Variants in PIBF1 observed in about 807,000 individuals in gnomAD.
PIBF1 encodes the protein progesterone-induced-blocking factor 1.
In PIBF1, 90 loss-of-function variants were observed where a neutral mutation model predicts 112.5. That is an observed-to-expected ratio of 0.80 (90% CI 0.67 to 0.95). The LOEUF (loss-of-function observed/expected upper bound fraction) is 0.95. PIBF1 is among the 40% of genes least tolerant of loss of function. PIBF1 has a pLI of 0.00. For missense variants in PIBF1, 915 were observed against 852.3 expected (o/e 1.07, Z -0.92); for synonymous variants, 301 against 288.6 (o/e 1.04, Z -0.44).
chr13:72,920,013 G>T (rs896352874), intron 13 of PIBF1, among the ~76,000 whole-genome samples: 24 of 152,238 alleles, frequency 1.6e-4, no homozygotes, highest in African/African-American at 5.5e-4. Flanking sequence ...TCTGCTGTTA[G>T]AACTTTGCTT....
intron 17 of PIBF1, among the ~76,000 whole-genome samples, chr13:73,008,561 C>G (rs1244489671): frequency 6.6e-6 from 1 of 152,074 alleles, no homozygotes; most frequent in African/African-American, 2.4e-5. Flanking sequence ...AAGTACTATT[C>G]CAAGCAGTAG....
intron 5 of PIBF1, among the ~76,000 whole-genome samples, chr13:72,803,924 A>G (rs1248659838): frequency 1.3e-5 from 2 of 152,160 alleles, no homozygotes; most frequent in Non-Finnish European, 2.9e-5. Flanking sequence ...GCTAAATGAA[A>G]TTGTCAGTTT....
chr13:72,790,979 G>A (rs1182381571), intron 2 of PIBF1, among the ~76,000 whole-genome samples: 2 of 152,166 alleles, frequency 1.3e-5, no homozygotes, highest in Non-Finnish European at 2.9e-5. Context: ...GGGACTTGAC[G>A]ATGCAAGAGG....
At chr13:72,868,199 G>T (rs1388423619) in intron 10 of PIBF1, among the ~76,000 whole-genome samples, 1 of 152,006 alleles carries the variant, frequency 6.6e-6, no homozygotes, top group African/African-American at 2.4e-5. Flanking sequence ...TCCTCAGGAG[G>T]CTGAGGTTGA....
intron 10 of PIBF1, among the ~76,000 whole-genome samples, chr13:72,882,944 T>C (rs550877671): frequency 2.4e-4 from 37 of 152,306 alleles, no homozygotes; most frequent in African/African-American, 8.4e-4. Context: ...GCTTGATCAA[T>C]GATTGCTGGA....
At chr13:72,927,494 C>T (rs2041525431) in intron 13 of PIBF1, among the ~76,000 whole-genome samples, 2 of 151,920 alleles carry the variant, frequency 1.3e-5, no homozygotes, top group Admixed American at 1.3e-4. Flanking sequence ...CAGAGCAAGA[C>T]TCCAACTCAA....
intron 5 of PIBF1, among the ~76,000 whole-genome samples, chr13:72,809,157 A>G (rs1220415945): frequency 1.4e-5 from 1 of 70,374 alleles, no homozygotes; most frequent in African/African-American, 5.4e-5. Context: ...TTTTTTTTTA[A>G]TTAAACCTGT....
intron 10 of PIBF1, among the ~76,000 whole-genome samples, chr13:72,869,333 G>A (rs2039057593): frequency 6.6e-6 from 1 of 151,896 alleles, no homozygotes; most frequent in Admixed American, 6.6e-5. Flanking sequence ...GGATGAAATT[G>A]GAAATCATCA....
At chr13:72,783,300 G>C (rs1296143547) in intron 1 of PIBF1, 123 bp from the exon 2 acceptor site, 4 of 538,314 alleles carry the variant, frequency 7.4e-6, no homozygotes, top group Non-Finnish European at 3.4e-6. Flanking sequence ...ATCTGTTCTA[G>C]ATTTGGGATG....
rs1219941700 is a variant in PIBF1, at chr13:72,987,854, ATTTATTTTT to A, written c.2050-10964_2050-10956del. 3.0e-3 allele frequency among the ~76,000 whole-genome samples: 175 copies of A among 58,630 alleles called. 2 individuals are homozygous for A. The highest frequency in any genetic ancestry group is 9.4e-3 in the Middle Eastern group (1 of 106). The allele number at this position is 58,630 out of a possible 152,430, so 38.5% of individuals were successfully genotyped here. A position where few individuals can be genotyped will look rare whatever the true frequency, so the allele number is the denominator to read the frequency against. On this transcript the variant is annotated intron_variant, in intron 16 of 17. Transcript: ENST00000326291. ...TTTTTTGTAATTTATTTATTTATTT[ATTTATTTTT>A]TTTTTTTTTTTTTTTTTTGAGGCAG...
rs139532425 is a variant in PIBF1 at position 72,875,433 on chromosome 13, A to G, written c.1323-18351A>G. On this transcript the variant is annotated intron_variant, in intron 10 of 17. Transcript: ENST00000326291. ...GCAAATATGCAAAGAGTGTGATCTT[A>G]TGGTAAGAGTGCTTAGTTTTGTAAG... Among the ~76,000 whole-genome samples, 363 of 152,234 alleles carry G rather than the reference A, an allele frequency of 2.4e-3. 1 individual carries two copies. Among genetic ancestry groups the G allele is most frequent in the African/African-American group, 8.2e-3 (340 of 41,548 alleles).
At chr13:72,858,544 G>A (rs1332879128) in intron 10 of PIBF1, among the ~76,000 whole-genome samples, 3 of 152,146 alleles carry the variant, frequency 2.0e-5, no homozygotes, top group African/African-American at 4.8e-5. Context: ...GGAAGTAAGT[G>A]GCTCTTTATA....
At chr13:72,876,458 A>G (rs886616344) in intron 10 of PIBF1, among the ~76,000 whole-genome samples, 5 of 152,100 alleles carry the variant, frequency 3.3e-5, no homozygotes, top group African/African-American at 1.2e-4. Flanking sequence ...CCGTTTGTCT[A>G]TATCCACAAA....
At chr13:72,796,869 T>TTATA (rs2035224266) in intron 4 of PIBF1, among the ~76,000 whole-genome samples, 1 of 152,158 alleles carries the variant, frequency 6.6e-6, no homozygotes, top group Non-Finnish European at 1.5e-5. Flanking sequence ...AACTAATTAA[T>TTATA]TATATGCAGA....
chr13:72,870,687 CCTAT>C (rs886769558), intron 10 of PIBF1, among the ~76,000 whole-genome samples: 3 of 151,286 alleles, frequency 2.0e-5, no homozygotes, highest in Non-Finnish European at 2.9e-5. Context: ...TGTGAATGTC[CCTAT>C]CTGTTTTGGA....
chr13:72,829,937 T>C (rs2037019054), intron 8 of PIBF1, among the ~76,000 whole-genome samples: 1 of 152,222 alleles, frequency 6.6e-6, no homozygotes, highest in Non-Finnish European at 1.5e-5. Context: ...CATTTGTTTA[T>C]GTCCTCGCTT....
intron 15 of PIBF1, among the ~76,000 whole-genome samples, chr13:72,973,112 T>C (rs1312789370): frequency 6.6e-6 from 1 of 152,154 alleles, no homozygotes; most frequent in Non-Finnish European, 1.5e-5. Context: ...AAATGGATTC[T>C]TAAGAGAAGA....
chr13:72,958,600 C>T (rs1321595759), intron 14 of PIBF1, among the ~76,000 whole-genome samples: 1 of 152,172 alleles, frequency 6.6e-6, no homozygotes, highest in Non-Finnish European at 1.5e-5. Flanking sequence ...CTGTCCGTTC[C>T]ACCACAGTCT....
At chr13:72,800,789 G>C (rs1450449326) in intron 5 of PIBF1, among the ~76,000 whole-genome samples, 1 of 152,190 alleles carries the variant, frequency 6.6e-6, no homozygotes, top group African/African-American at 2.4e-5. Context: ...ATCATGTAGT[G>C]TGACAAAAGT....
Sources: gnomAD v4.1 joint callset for allele counts (sites outside exome capture counted in the v4.1 genomes callset) on GRCh38, gnomAD v4.1.1 for gene constraint, MANE v1.5 for transcripts, NCBI Gene and HGNC (gene_info 2026-07-23, HGNC 2026-07-21) for gene names.